The following ACAD10 variants were observed in gnomAD, a reference collection of about 807,000 sequenced individuals.
ACAD10 encodes the protein acyl-CoA dehydrogenase family member 10, also known as ACAD-10.
Under a neutral mutation model 116.8 loss-of-function variants are expected in ACAD10, and 112 were observed. That is an observed-to-expected ratio of 0.96 (90% confidence interval 0.82 to 1.12). ACAD10 has a LOEUF of 1.12. ACAD10 is among the 50% of genes most tolerant of loss of function. ACAD10 has a pLI of 0.00. For synonymous variants in ACAD10, 486 were observed against 510.6 expected (o/e 0.95, Z 0.65); for missense variants, 1,259 against 1,350.2 (o/e 0.93, Z 1.06).
At chr12:111,706,962 G>C (rs1324521935) in intron 4 of ACAD10, among the ~76,000 whole-genome samples, 3 of 143,416 alleles carry the variant, frequency 2.1e-5, no homozygotes, top group Non-Finnish European at 4.5e-5. Context: ...ATTTTTAGTA[G>C]AGACAGGGTT....
intron 8 of ACAD10, among the ~76,000 whole-genome samples, chr12:111,723,312 G>A (rs1156847814): frequency 2.2e-5 from 3 of 139,374 alleles, no homozygotes; most frequent in South Asian, 2.3e-4. Context: ...GGCTGGCCGG[G>A]CGGGGGGGCT....
intron 9 of ACAD10, among the ~76,000 whole-genome samples, chr12:111,728,906 A>G (rs1316685144): frequency 6.6e-6 from 1 of 152,006 alleles, no homozygotes; most frequent in Non-Finnish European, 1.5e-5. Flanking sequence ...CCCAGGCTCT[A>G]CCCAAACTCC....
In ACAD10 at chr12:111,751,918, C is replaced by T. The variant is rs1046918458; in HGVS notation, c.2818-1854C>T. Among the ~76,000 whole-genome samples, 4 of 151,546 alleles carry T rather than the reference C, an allele frequency of 2.6e-5. No homozygotes were observed. The East Asian group carries it at 7.8e-4, about 29-fold the overall frequency. ...TACTAAAAATATAAAATTAGTTGGA[C>T]GTGGTGGCGCATGCCTGTAATCCCA... On this transcript the variant is annotated intron_variant, in intron 18 of 20. Transcript: ENST00000313698.
chr12:111,723,883 C>A (rs563175700), intron 8 of ACAD10, among the ~76,000 whole-genome samples: 28 of 150,952 alleles, frequency 1.9e-4, no homozygotes, highest in Admixed American at 7.9e-4. Flanking sequence ...GGCGGCCGGG[C>A]AGGGACGCTC....
intron 3 of ACAD10, among the ~76,000 whole-genome samples, chr12:111,704,578 A>G (rs563306591): frequency 8.5e-5 from 13 of 152,306 alleles, no homozygotes; most frequent in Admixed American, 7.9e-4. Flanking sequence ...GAGTTCAGTA[A>G]AGCTGTTCTA....
At chr12:111,745,370 A>T (rs577629319) in intron 13 of ACAD10, 115 of 397,024 alleles carry the variant, frequency 2.9e-4, no homozygotes, top group Non-Finnish European at 4.6e-4. Flanking sequence ...TGTATCAGCT[A>T]ATAAATCTCT....
At chr12:111,715,053 TG>T (rs1388597328) in intron 6 of ACAD10, among the ~76,000 whole-genome samples, 1 of 152,146 alleles carries the variant, frequency 6.6e-6, no homozygotes, top group Non-Finnish European at 1.5e-5. Flanking sequence ...TTCACCCACT[TG>T]CTCCGTGAAA....
rs747037768 is a variant in ACAD10 at position 111,744,648 on chromosome 12, G to T, written c.1720G>T (p.Ala574Ser). ...GVYKRSLTGQ[A>S]SSTYAEQTGK... ...TTTTCTTTGATTCTGCTTAGGGCAAGCAAGCTCCACATATGCGGAACAAAC... is the reference window on the plus strand; with the variant it reads ...TTTTCTTTGATTCTGCTTAGGGCAATCAAGCTCCACATATGCGGAACAAAC... Residue 574 changes from alanine to serine, a missense_variant, in exon 13 of 21, where the codon GCA becomes TCA. Ala to Ser is a moderately conservative substitution (Grantham distance 99). Coordinates refer to ENST00000313698, the MANE Select transcript of ACAD10 (RefSeq NM_025247.6). 15 of 1,612,294 alleles carry T rather than the reference G, an allele frequency of 9.3e-6. No individual in the cohort carries two copies. The highest frequency in any genetic ancestry group is 1.2e-5 in the Non-Finnish European group (14 of 1,178,830).
chr12:111,737,889 G>A (rs78006345), intron 12 of ACAD10, among the ~76,000 whole-genome samples: 2,357 of 151,842 alleles, frequency 0.016, 72 homozygotes, highest in African/African-American at 0.054. Flanking sequence ...TTCTCACTCT[G>A]TCGCCCAGGC....
intron 5 of ACAD10, chr12:111,710,029 G>A: frequency 2.9e-6 from 1 of 340,518 alleles, no homozygotes; most frequent in East Asian, 9.0e-5. Flanking sequence ...AGGCCATGCA[G>A]CTCACTGCTG....
chr12:111,693,174 A>G, intron 2 of ACAD10: 2 of 428,714 alleles, frequency 4.7e-6, no homozygotes, highest in South Asian at 2.7e-5. Context: ...GCACTTGCTT[A>G]GCACAGTGAT....
chr12:111,737,121 A>G lies in ACAD10; in HGVS notation c.1714+117A>G. On this transcript the variant is annotated intron_variant, in intron 12 of 20. Coordinates refer to ENST00000313698, the MANE Select transcript of ACAD10 (RefSeq NM_025247.6). Reference sequence around the variant, plus strand: ...CTTTGGAGAGACCGATTTGGCCAGGATTCTCTGAGGTTCAGTTAATCTAAC... The same window carrying G: ...CTTTGGAGAGACCGATTTGGCCAGGGTTCTCTGAGGTTCAGTTAATCTAAC... 3.5e-6 allele frequency: 3 copies of G among 849,262 alleles called. No individual in the cohort carries two copies. In the South Asian group the frequency reaches 7.4e-5, roughly 21 times the overall value. 52.6% of individuals were successfully genotyped at this position (849,262 alleles called of 1,614,324 possible).
chr12:111,755,018 T>C (rs2135996977), intron 19 of ACAD10, among the ~76,000 whole-genome samples: 1 of 152,294 alleles, frequency 6.6e-6, no homozygotes, highest in Middle Eastern at 3.4e-3. Flanking sequence ...GGGGCCTCTG[T>C]TTTGGACGGT....
chr12:111,743,415 C>T (rs569834851), intron 12 of ACAD10, among the ~76,000 whole-genome samples: 1 of 150,142 alleles, frequency 6.7e-6, no homozygotes, highest in South Asian at 2.1e-4. Flanking sequence ...GTTGCCCAGG[C>T]AACCTCCGCC....
intron 10 of ACAD10, 93 bp from the exon 11 acceptor site, chr12:111,733,830 G>A: frequency 1.3e-6 from 2 of 1,520,030 alleles, no homozygotes; most frequent in Non-Finnish European, 9.0e-7. Flanking sequence ...GGGAGGGTGG[G>A]GAGCCAAGCC....
At chr12:111,753,627 T>G in intron 18 of ACAD10, 145 bp from the exon 19 acceptor site, 3 of 1,088,830 alleles carry the variant, frequency 2.8e-6, no homozygotes, top group Non-Finnish European at 4.1e-6. Flanking sequence ...GCACCTTGGC[T>G]GAGAAGATGC....
Position 111,702,146 on chromosome 12 carries a change from A to G in ACAD10, c.188-16A>G. On this transcript the variant is annotated splice_polypyrimidine_tract_variant and intron_variant, in intron 2 of 20. Coordinates refer to ENST00000313698, the MANE Select transcript of ACAD10 (RefSeq NM_025247.6). ...GTATCAATGTATTCCACTTTTGCAT[A>G]TTTTGCTTCCTATAGAATGGGAGGT... 1 of 1,607,770 alleles carries G rather than the reference A, an allele frequency of 6.2e-7. No individual in the cohort carries two copies.
intron 18 of ACAD10, among the ~76,000 whole-genome samples, chr12:111,750,283 G>A (rs1406190235): frequency 6.6e-6 from 1 of 151,086 alleles, no homozygotes; most frequent in African/African-American, 2.4e-5. Context: ...AGTAGAGATG[G>A]GGTTTCACCA....
chr12:111,740,291 GTC>G (rs1566164298), intron 12 of ACAD10, among the ~76,000 whole-genome samples: 1 of 151,960 alleles, frequency 6.6e-6, no homozygotes, highest in Non-Finnish European at 1.5e-5. Flanking sequence ...GTGAAACCCC[GTC>G]TCCACTAAAA....
Sources: allele counts gnomAD v4.1 joint callset (sites outside exome capture counted in the v4.1 genomes callset), GRCh38; gene constraint gnomAD v4.1.1; transcripts MANE v1.5; gene names NCBI Gene and HGNC (gene_info 2026-07-23, HGNC 2026-07-21).